Variants in MSANTD7 observed in about 807,000 individuals in gnomAD.
The protein encoded by MSANTD7 is Myb/SANT DNA binding domain containing 7.
chr10:14,845,152 G>A, the MSANTD7 span: 1 of 985,266 alleles, frequency 1.0e-6, no homozygotes, highest in Non-Finnish European at 1.2e-6. Context: ...AGAGATGAAG[G>A]TGATAAGCCA....
chr10:14,845,862 A>AATTC, the MSANTD7 span: 1 of 327,608 alleles, frequency 3.1e-6, no homozygotes, highest in African/African-American at 2.2e-5. Flanking sequence ...GTGCCCAGCC[A>AATTC]ATTCATGCCT....
chr10:14,843,106 A>C, the MSANTD7 span, among the ~76,000 whole-genome samples: 1 of 152,208 alleles, frequency 6.6e-6, no homozygotes, highest in Non-Finnish European at 1.5e-5. Flanking sequence ...ATTATTAATA[A>C]CTGGTAGTCA....
At chr10:14,842,683 A>G in the MSANTD7 span, 1 of 1,536,368 alleles carries the variant, frequency 6.5e-7, no homozygotes, top group East Asian at 2.4e-5. The surrounding 1 kb of genome is among the most constrained non-coding windows in gnomAD (Gnocchi z 5.2). Flanking sequence ...CCCCAGGGGA[A>G]GAGGGAACCG....
the MSANTD7 span, chr10:14,839,990 T>G: frequency 1.2e-6 from 2 of 1,601,634 alleles, no homozygotes; most frequent in Middle Eastern, 1.7e-4. Flanking sequence ...GAAGAGGTAC[T>G]AGTCCCCCCA....
At chr10:14,842,836 C>T in the MSANTD7 span, 2 of 1,531,402 alleles carry the variant, frequency 1.3e-6, no homozygotes, top group East Asian at 2.4e-5. This position sits in a 1 kb window ranked among gnomAD's most constrained non-coding sequence, Gnocchi z 5.2. Context: ...GGGATGAATC[C>T]TCGGGTGCAG....
chr10:14,839,589 AAATGGT>A, the MSANTD7 span, among the ~76,000 whole-genome samples: 2 of 151,708 alleles, frequency 1.3e-5, no homozygotes, highest in East Asian at 1.9e-4. Flanking sequence ...AAAAAAAAAG[AAATGGT>A]AATGGTAAGA....
chr10:14,839,059 C>A, the MSANTD7 span, among the ~76,000 whole-genome samples: 1 of 152,180 alleles, frequency 6.6e-6, no homozygotes, highest in African/African-American at 2.4e-5. Context: ...GGCTGATGGT[C>A]CCGCAAAGCT....
At chr10:14,845,425 G>T in the MSANTD7 span, 1 of 985,332 alleles carries the variant, frequency 1.0e-6, no homozygotes, top group East Asian at 1.1e-4. Context: ...AGCAGTGGGA[G>T]CGTACCCAGA....
chr10:14,839,185 T>C, the MSANTD7 span, among the ~76,000 whole-genome samples: 1 of 152,214 alleles, frequency 6.6e-6, no homozygotes, highest in Admixed American at 6.5e-5. Context: ...GAAGAAACGA[T>C]AATCATGAAC....
chr10:14,840,041 AATAT>A, the MSANTD7 span: 128 of 1,193,600 alleles, frequency 1.1e-4, no homozygotes, highest in Non-Finnish European at 1.2e-4. Context: ...CATACATTGT[AATAT>A]ATATATATAT....
the MSANTD7 span, chr10:14,843,528 A>G: frequency 2.0e-5 from 31 of 1,550,542 alleles, 1 homozygote; most frequent in Non-Finnish European, 2.5e-5. Context: ...TAGCCTCCAC[A>G]CCGCAGACTC....
chr10:14,846,593 AAGCTTTT>A, the MSANTD7 span: 1 of 977,066 alleles, frequency 1.0e-6, no homozygotes. Flanking sequence ...CCCCTTAGAA[AAGCTTTT>A]CCAGCATTCC....
chr10:14,843,706 GA>G, the MSANTD7 span: 1 of 1,539,888 alleles, frequency 6.5e-7, no homozygotes, highest in African/African-American at 1.4e-5. Flanking sequence ...GCGGGAGGAA[GA>G]AAAACTGGAC....
At chr10:14,838,583 C>T in the MSANTD7 span, 1 of 943,792 alleles carries the variant, frequency 1.1e-6, no homozygotes, top group South Asian at 1.7e-5. Context: ...GGCGTTGCCG[C>T]GAGGACACTC....
At chr10:14,840,088 C>A in the MSANTD7 span, 3 of 1,420,058 alleles carry the variant, frequency 2.1e-6, no homozygotes, top group Non-Finnish European at 2.8e-6. Flanking sequence ...GTTGGATTGG[C>A]AGCAAAACAA....
At chr10:14,840,727 C>T in the MSANTD7 span, among the ~76,000 whole-genome samples, 2 of 152,206 alleles carry the variant, frequency 1.3e-5, no homozygotes, top group Non-Finnish European at 2.9e-5. Flanking sequence ...ACTTCTGTCT[C>T]CTCAAATTAT....
chr10:14,844,878 A>T, the MSANTD7 span: 59 of 985,088 alleles, frequency 6.0e-5, no homozygotes, highest in Non-Finnish European at 6.9e-5. Context: ...CTTTTCTGTT[A>T]TTTTTTTGTC....
chr10:14,843,488 G>C, the MSANTD7 span: 2 of 1,550,628 alleles, frequency 1.3e-6, no homozygotes, highest in Admixed American at 2.0e-5. Context: ...CCCAGCCCCT[G>C]CACCAGCACC....
At chr10:14,843,927 T>C in the MSANTD7 span, 2 of 1,533,688 alleles carry the variant, frequency 1.3e-6, no homozygotes, top group African/African-American at 1.4e-5. Context: ...CTTCCTAAAC[T>C]GGTAGAAGTC....
Sources: gnomAD v4.1 joint callset for allele counts (sites outside exome capture counted in the v4.1 genomes callset) on GRCh38, gnomAD v4.1.1 for gene constraint, Gnocchi (gnomAD v3.1) non-coding constraint, MANE v1.5 for transcripts, NCBI Gene and HGNC (gene_info 2026-07-23, HGNC 2026-07-21) for gene names.